The following KIF13A variants were observed in gnomAD, a reference collection of about 807,000 sequenced individuals.
KIF13A encodes the protein kinesin-like protein KIF13A.
A neutral mutation model predicts 212.2 loss-of-function variants in KIF13A; 79 were observed. The observed-to-expected ratio is 0.37, with a 90% CI of 0.31 to 0.45. KIF13A has a LOEUF of 0.45. Among genes scored for constraint, KIF13A ranks in the 20% least tolerant of loss-of-function variants. KIF13A has a pLI of 1.00. For missense variants in KIF13A, 1,901 were observed against 2,209.0 expected (o/e 0.86, Z 2.79); for synonymous variants, 789 against 808.6 (o/e 0.98, Z 0.41).
chr6:17,833,190 A>G lies in KIF13A; in HGVS notation c.1266+771T>C, dbSNP rs115421489. On this transcript the variant is annotated intron_variant, in intron 12 of 38. Transcript: ENST00000259711. ...ACATTGATAAAAAGACCTGACGTCA[A>G]TGTCTAAAAGTGATCTTTGCTGGGC... Among the ~76,000 whole-genome samples the G allele has an allele frequency of 9.1e-3, 1,381 of 152,008 alleles. 26 individuals carry two copies. Among genetic ancestry groups the G allele is most frequent in the African/African-American group, 0.03 (1,264 of 41,464 alleles).
chr6:17,987,520 A>G lies in KIF13A; in HGVS notation c.-57T>C, dbSNP rs1781682874. 8.2e-6 allele frequency: 8 copies of G among 972,210 alleles called. No individual in the cohort carries two copies. Among genetic ancestry groups the G allele is most frequent in the Non-Finnish European group, 1.0e-5 (8 of 800,408 alleles). The allele number at this position is 972,210 out of a possible 1,614,324, so 60.2% of individuals were successfully genotyped here. On this transcript the variant is annotated 5_prime_UTR_variant, in exon 1 of 39. An upstream open reading frame in the 5' UTR loses its in-frame stop. Coordinates refer to ENST00000259711, the MANE Select transcript of KIF13A (RefSeq NM_022113.6). This position sits in a 1 kb window ranked among gnomAD's most constrained non-coding sequence, Gnocchi z 7.7. ...CCCGCTCGGCCTTAGGCGGCCCCTC[A>G]CGCGCGGCGCCGCCGCCGCTGCAGC...
In KIF13A at chr6:17,769,132, A is replaced by C. The variant is rs187121943; in HGVS notation, c.4581+1982T>G. On this transcript the variant is annotated intron_variant, in intron 38 of 38. Coordinates refer to ENST00000259711, the MANE Select transcript of KIF13A (RefSeq NM_022113.6). The surrounding 1 kb of genome is among the most constrained non-coding windows in gnomAD (Gnocchi z 5.8). ...TGATTGTTCAAGAGTGGAAGAGAAA[A>C]GAACGTGAATTAGTCACAAAGGAAG... Among the ~76,000 whole-genome samples, 50 of 152,370 alleles carry C rather than the reference A, an allele frequency of 3.3e-4. No homozygotes were observed. The East Asian group carries it at 9.4e-3, about 29-fold the overall frequency.
intron 11 of KIF13A, among the ~76,000 whole-genome samples, chr6:17,835,895 A>G (rs961885899): frequency 1.2e-5 from 1 of 80,928 alleles, no homozygotes; most frequent in African/African-American, 4.1e-5. Context: ...TTTTTCTTAC[A>G]ACTTAGTACT....
In KIF13A at chr6:17,855,005, G is replaced by C. The variant is rs373552724; in HGVS notation, c.494+432C>G. ...GTCTCTATGGGTGGACATCAGGCAA[G>C]TGGATGCTTAAAACGTTCCCCACAT... On this transcript the variant is annotated intron_variant, in intron 6 of 38. Coordinates refer to ENST00000259711, the MANE Select transcript of KIF13A (RefSeq NM_022113.6). The surrounding 1 kb of genome is among the most constrained non-coding windows in gnomAD (Gnocchi z 4.1). 6.6e-6 allele frequency among the ~76,000 whole-genome samples: 1 copy of C among 152,194 alleles called. No individual in the cohort carries two copies. Among genetic ancestry groups the C allele is most frequent in the African/African-American group, 2.4e-5 (1 of 41,454 alleles).
chr6:17,830,064 C>T (rs1765309004), intron 13 of KIF13A, among the ~76,000 whole-genome samples: 1 of 152,106 alleles, frequency 6.6e-6, no homozygotes, highest in Admixed American at 6.6e-5. Context: ...TTAAAAATGC[C>T]CTGATGGTTG....
intron 13 of KIF13A, among the ~76,000 whole-genome samples, chr6:17,830,698 G>C (rs1003428946): frequency 2.0e-5 from 3 of 152,284 alleles, no homozygotes; most frequent in Non-Finnish European, 4.4e-5. Flanking sequence ...CTTTAGGCTT[G>C]TGTTGATCTT....
At position 17,895,254 on chromosome 6, in the gene KIF13A, C is replaced by T. The variant is rs949656966; in HGVS notation, c.159+2914G>A. On this transcript the variant is annotated intron_variant, in intron 3 of 38. Transcript: ENST00000259711. The surrounding 1 kb of genome is among the most constrained non-coding windows in gnomAD (Gnocchi z 4.4). The stretch of plus-strand genomic sequence containing the variant: ...CTAATAATTTGGTCATCTGAAGCAT[C>T]TATGGGTCTATTTCTAATTTTTATT... Among the ~76,000 whole-genome samples the T allele has an allele frequency of 4.6e-5, 7 of 152,200 alleles. No individual in the cohort carries two copies. Among genetic ancestry groups the T allele is most frequent in the Non-Finnish European group, 1.0e-4 (7 of 68,042 alleles).
intron 17 of KIF13A, among the ~76,000 whole-genome samples, chr6:17,814,001 G>A (rs1763680689): frequency 7.0e-6 from 1 of 142,340 alleles, no homozygotes; most frequent in African/African-American, 2.6e-5. Context: ...TGCCCAGGCT[G>A]GAGTGCAGTG....
chr6:17,920,392 A>T (rs977365911), intron 2 of KIF13A, among the ~76,000 whole-genome samples: 2 of 152,210 alleles, frequency 1.3e-5, no homozygotes, highest in African/African-American at 4.8e-5. Context: ...AATCATTTTC[A>T]TTAGTGTTTC....
chr6:17,759,404 T>C (rs1421271079), downstream of KIF13A: 1 of 152,210 alleles, frequency 6.6e-6, no homozygotes, highest in Non-Finnish European at 1.5e-5. Context: ...CAGCTCACTA[T>C]ACACACAAAT....
chr6:17,923,848 C>T (rs1775282963), intron 2 of KIF13A, among the ~76,000 whole-genome samples: 1 of 152,116 alleles, frequency 6.6e-6, no homozygotes. Flanking sequence ...TCAGTGAGGG[C>T]ACAACTCTTA....
rs753978447 is a variant in KIF13A at position 17,900,995 on chromosome 6, G to A, written c.147-2815C>T. Among the ~76,000 whole-genome samples the A allele has an allele frequency of 6.6e-6, 1 of 150,634 alleles. No homozygotes were observed. Among genetic ancestry groups the A allele is most frequent in the East Asian group, 2.0e-4 (1 of 5,092 alleles). The stretch of plus-strand genomic sequence containing the variant: ...TGGGAGGCTGAGGCAGGAGAATGGC[G>A]TGAACCCAGGAGGCGGAGCTTGCAG... On this transcript the variant is annotated intron_variant, in intron 2 of 38. Coordinates refer to ENST00000259711, the MANE Select transcript of KIF13A (RefSeq NM_022113.6). The surrounding 1 kb of genome is among the most constrained non-coding windows in gnomAD (Gnocchi z 4.6).
Position 17,828,183 on chromosome 6 carries a change from T to G in KIF13A, c.1532+57A>C. 1 of 1,551,008 alleles carries G rather than the reference T, an allele frequency of 6.4e-7. No individual in the cohort carries two copies. Among genetic ancestry groups the G allele is most frequent in the South Asian group, 1.2e-5 (1 of 83,024 alleles). On this transcript the variant is annotated intron_variant, in intron 14 of 38. Coordinates refer to ENST00000259711, the MANE Select transcript of KIF13A (RefSeq NM_022113.6). This position sits in a 1 kb window ranked among gnomAD's most constrained non-coding sequence, Gnocchi z 4.3. ...GAAAGCAAACAGAAAGAGGCAGCCT[T>G]CTCCTTCTGAAAATAAGGCACACAA...
Position 17,763,930 on chromosome 6 carries a change from T to A in KIF13A, c.*180A>T. 7.0e-7 allele frequency: 1 copy of A among 1,433,686 alleles called. No homozygotes were observed. The highest frequency in any genetic ancestry group is 9.1e-7 in the Non-Finnish European group (1 of 1,098,606). The allele number at this position is 1,433,686 out of a possible 1,614,324, so 88.8% of individuals were successfully genotyped here. On this transcript the variant is annotated 3_prime_UTR_variant, in exon 39 of 39. Transcript: ENST00000259711. ...CAGGTAAAAAAATCCACTGGTCTTATAATTTCACAATTGCGTTCTAGTTCC... is the reference window on the plus strand; with the variant it reads ...CAGGTAAAAAAATCCACTGGTCTTAAAATTTCACAATTGCGTTCTAGTTCC...
Position 17,837,937 on chromosome 6 carries a change from A to G in KIF13A, c.831-354T>C, listed in dbSNP as rs1279322416. 6.6e-6 allele frequency among the ~76,000 whole-genome samples: 1 copy of G among 151,946 alleles called. No homozygotes were observed. The highest frequency in any genetic ancestry group is 1.5e-5 in the Non-Finnish European group (1 of 68,012). On this transcript the variant is annotated intron_variant, in intron 9 of 38. Transcript: ENST00000259711. The surrounding 1 kb of genome is among the most constrained non-coding windows in gnomAD (Gnocchi z 5.4). ...CACTGCACTGCAGCCTGGGCGACAG[A>G]GTGAGACTCTTTCAAAAAAACAAAA...
At chr6:17,823,042 T>C (rs1360910705) in intron 16 of KIF13A, among the ~76,000 whole-genome samples, 21 of 151,488 alleles carry the variant, frequency 1.4e-4, no homozygotes, top group Admixed American at 1.3e-4. Context: ...CTATACTTTT[T>C]TTTTTTTTTT....
At chr6:17,807,754 G>A (rs1039871439) in intron 18 of KIF13A, among the ~76,000 whole-genome samples, 7 of 146,140 alleles carry the variant, frequency 4.8e-5, no homozygotes, top group East Asian at 1.9e-4. Flanking sequence ...TGCTGGTTTT[G>A]AGGCTCAGGT....
At position 17,951,628 on chromosome 6, in the gene KIF13A, TCCC is replaced by T. The variant is rs1360808521; in HGVS notation, c.146+35423_146+35425del. Among the ~76,000 whole-genome samples, 15 of 151,066 alleles carry T rather than the reference TCCC, an allele frequency of 9.9e-5. No homozygotes were observed. The highest frequency in any genetic ancestry group is 6.3e-4 in the South Asian group (3 of 4,780). The stretch of plus-strand genomic sequence containing the variant: ...GCAGTCACTCTCCATTTCCCCCAAT[TCCC>T]CCAAGCCTAGGCAACCATTAATCTA... On this transcript the variant is annotated intron_variant, in intron 2 of 38. Coordinates refer to ENST00000259711, the MANE Select transcript of KIF13A (RefSeq NM_022113.6). The surrounding 1 kb of genome is among the most constrained non-coding windows in gnomAD (Gnocchi z 4.9).
At chr6:17,779,563 C>A in intron 32 of KIF13A, 29 bp downstream of exon 32, 2 of 1,032,178 alleles carry the variant, frequency 1.9e-6, no homozygotes, top group Non-Finnish European at 2.9e-6. Flanking sequence ...TGAGCCACTG[C>A]GCCCGGCCTA....
Sources: gnomAD v4.1 joint callset for allele counts (sites outside exome capture counted in the v4.1 genomes callset) on GRCh38, gnomAD v4.1.1 for gene constraint, Gnocchi (gnomAD v3.1) non-coding constraint, MANE v1.5 for transcripts, NCBI Gene and HGNC (gene_info 2026-07-23, HGNC 2026-07-21) for gene names.